FGF13: variants seen among roughly 807,000 people sequenced by gnomAD.
The protein encoded by FGF13 is fibroblast growth factor 13.
A neutral mutation model predicts 19.5 loss-of-function variants in FGF13; 2 were observed. The ratio of observed to expected loss-of-function variants is 0.10; its 90% CI spans 0.04 to 0.32. The LOEUF (loss-of-function observed/expected upper bound fraction) is 0.32, where lower values mean the gene tolerates loss of function less well. Ranked by LOEUF, FGF13 falls within the 10% of genes least tolerant of loss-of-function variation. The pLI is 1.00. For synonymous variants in FGF13, 72 were observed against 76.9 expected, an observed-to-expected ratio of 0.94 and a Z score of 0.33; for missense variants, 113 against 192.7, an observed-to-expected ratio of 0.59 and a Z score of 2.45.
chrX:138,867,182 T>C (rs1049058280), intron 1 of FGF13, among the ~76,000 whole-genome samples: 2 of 111,032 alleles, frequency 1.8e-5, no homozygotes, highest in Non-Finnish European at 3.8e-5. Flanking sequence ...ATCCAAGGGC[T>C]TTGAGAGGCT....
chrX:138,746,805 C>T (rs1033331782), intron 3 of FGF13, among the ~76,000 whole-genome samples: 2 of 112,353 alleles, frequency 1.8e-5, no homozygotes, highest in African/African-American at 6.5e-5. Flanking sequence ...TCACAGTGCC[C>T]AGCATACAGT....
Position 138,632,925 on chromosome X carries a change from C to A in FGF13, c.663G>T (p.Gly221=). The A allele has an allele frequency of 8.3e-7, 1 of 1,210,443 alleles. No individual in the cohort carries two copies. The highest frequency in any genetic ancestry group is 1.1e-6 in the Non-Finnish European group (1 of 894,942). Residue 221 remains glycine (G), a synonymous_variant, in exon 5 of 5, where the codon GGG becomes GGT. Transcript: ENST00000315930. ...AGACACTTCTGCTCTTGGTTGGGGT[C>A]CCGCTTCCAGATCGGGAGAACTCCG... is the stretch of plus-strand genomic sequence containing the variant. The part of the protein sequence containing the change: ...DLTEFSRSGS[G]TPTKSRSVSG...
intron 1 of FGF13, among the ~76,000 whole-genome samples, chrX:139,181,873 C>T (rs769056887): frequency 5.4e-5 from 6 of 110,794 alleles, no homozygotes; most frequent in South Asian, 7.8e-4. Flanking sequence ...AAGGGACTGG[C>T]GGGGCTTTTC....
At chrX:138,989,285 G>A (rs1397574905) in intron 1 of FGF13, among the ~76,000 whole-genome samples, 1 of 111,487 alleles carries the variant, frequency 9.0e-6, no homozygotes, top group Non-Finnish European at 1.9e-5. Context: ...CTGCTGAGTT[G>A]TACTGGCCAG....
At chrX:138,777,940 A>G (rs1471455238) in intron 3 of FGF13, among the ~76,000 whole-genome samples, 2 of 112,023 alleles carry the variant, frequency 1.8e-5, no homozygotes, top group Non-Finnish European at 3.8e-5. Flanking sequence ...AGTTCATAAT[A>G]ACATTGAGAT....
intron 1 of FGF13, among the ~76,000 whole-genome samples, chrX:138,716,862 A>AGGCTTGCATCACACTAGGATGGT (rs2124267188): frequency 8.9e-6 from 1 of 112,088 alleles, no homozygotes; most frequent in African/African-American, 3.2e-5. Flanking sequence ...ACAAGACCTT[A>AGGCTTGCATCACACTAGGATGGT]GGCTTGCATC....
intron 3 of FGF13, among the ~76,000 whole-genome samples, chrX:138,692,392 T>G (rs1403892023): frequency 9.2e-6 from 1 of 108,892 alleles, no homozygotes; most frequent in Non-Finnish European, 1.9e-5. Context: ...GAGCTGTTTT[T>G]TTTTTTTTTT....
chrX:138,767,609 C>G (rs755399127), intron 3 of FGF13, among the ~76,000 whole-genome samples: 12 of 112,031 alleles, frequency 1.1e-4, no homozygotes, highest in South Asian at 3.8e-4. Flanking sequence ...GGACATCTAT[C>G]TGAAATTCTG....
At chrX:138,935,759 C>T (rs2091728420) in intron 1 of FGF13, among the ~76,000 whole-genome samples, 2 of 111,664 alleles carry the variant, frequency 1.8e-5, no homozygotes, top group South Asian at 7.6e-4. Context: ...TCATGCTATA[C>T]TTTTTAAGTC....
In FGF13 at chrX:139,050,055, T is replaced by G. The variant is rs2092299388; in HGVS notation, c.-113+153361A>C. On this transcript the variant is annotated intron_variant, in intron 1 of 2. Coordinates refer to the FGF13 transcript ENST00000421460. ...TCATGTCTGTCATTCACTGAGTAGG[T>G]GCATAACCAACTCTGTAGGAAGTGT... 3.6e-5 allele frequency among the ~76,000 whole-genome samples: 4 copies of G among 111,853 alleles called. No individual in the cohort carries two copies. The Admixed American group carries it at 3.8e-4, about 11-fold the overall frequency.
intron 3 of FGF13, among the ~76,000 whole-genome samples, chrX:138,790,031 C>G (rs1372193802): frequency 1.9e-5 from 1 of 51,988 alleles, no homozygotes; most frequent in Non-Finnish European, 3.1e-5. Context: ...GGTGACAGAG[C>G]GAGACTCCAT....
chrX:138,927,383 C>G (rs946852727), intron 1 of FGF13, among the ~76,000 whole-genome samples: 5 of 111,831 alleles, frequency 4.5e-5, no homozygotes, highest in African/African-American at 1.6e-4. Context: ...AATCCATGAT[C>G]TACTCTGCAG....
intron 1 of FGF13, among the ~76,000 whole-genome samples, chrX:138,935,560 C>T (rs1044433948): frequency 2.7e-5 from 3 of 112,148 alleles, no homozygotes; most frequent in Non-Finnish European, 5.6e-5. Context: ...TGAATGCTCA[C>T]ATTTTGTACA....
At chrX:139,092,149 T>C (rs909347650) in intron 1 of FGF13, among the ~76,000 whole-genome samples, 4 of 111,516 alleles carry the variant, frequency 3.6e-5, no homozygotes, top group Non-Finnish European at 7.5e-5. Flanking sequence ...AGCTACACTT[T>C]TGCTTCTCTT....
chrX:138,858,188 C>G (rs1281581255), intron 2 of FGF13, among the ~76,000 whole-genome samples: 1 of 112,075 alleles, frequency 8.9e-6, no homozygotes, highest in Non-Finnish European at 1.9e-5. Context: ...CCAAAGAGAA[C>G]TGAAGCTGTT....
chrX:138,885,585 C>A (rs761742960), intron 1 of FGF13, among the ~76,000 whole-genome samples: 3 of 108,484 alleles, frequency 2.8e-5, no homozygotes, highest in Non-Finnish European at 5.7e-5. Context: ...TGGAGTATAT[C>A]ATCATTGCAA....
intron 1 of FGF13, among the ~76,000 whole-genome samples, chrX:138,878,209 G>T (rs1174768927): frequency 9.2e-6 from 1 of 108,672 alleles, no homozygotes; most frequent in Non-Finnish European, 1.9e-5. Context: ...GTGCAGGTTT[G>T]TTACATATGT....
intron 1 of FGF13, among the ~76,000 whole-genome samples, chrX:138,980,378 AT>A (rs1569435107): frequency 8.9e-6 from 1 of 111,952 alleles, no homozygotes; most frequent in East Asian, 2.8e-4. Context: ...TACCTTTCAA[AT>A]TCTTAAGTAG....
intron 1 of FGF13, among the ~76,000 whole-genome samples, chrX:138,895,188 A>G (rs945518851): frequency 6.2e-5 from 7 of 112,036 alleles, no homozygotes; most frequent in African/African-American, 9.7e-5. Flanking sequence ...GATATATTCA[A>G]GGTGTACAAC....
Sources: allele counts gnomAD v4.1 joint callset (sites outside exome capture counted in the v4.1 genomes callset), GRCh38; gene constraint gnomAD v4.1.1; transcripts MANE v1.5; gene names NCBI Gene and HGNC (gene_info 2026-07-23, HGNC 2026-07-21).